AFG2A: variants seen among roughly 807,000 people sequenced by gnomAD.
AFG2A encodes AAA ATPase AFG2A, also known as ATPase family gene 2 protein homolog A.
the AFG2A span, among the ~76,000 whole-genome samples, chr4:123,251,185 T>G: frequency 6.6e-6 from 1 of 152,208 alleles, no homozygotes; most frequent in Non-Finnish European, 1.5e-5. Context: ...CTGTGTTCTT[T>G]CAACTATTAG....
chr4:123,269,657 A>T, the AFG2A span, among the ~76,000 whole-genome samples: 7 of 152,164 alleles, frequency 4.6e-5, no homozygotes, highest in African/African-American at 1.7e-4. Context: ...TTTCCCTTGT[A>T]AGTATGAGCT....
chr4:123,233,678 G>A, the AFG2A span, among the ~76,000 whole-genome samples: 1 of 151,742 alleles, frequency 6.6e-6, no homozygotes, highest in African/African-American at 2.4e-5. Flanking sequence ...CTACATTTTT[G>A]AGCAATAATA....
chr4:123,296,476 C>T, the AFG2A span, among the ~76,000 whole-genome samples: 1 of 152,128 alleles, frequency 6.6e-6, no homozygotes, highest in Non-Finnish European at 1.5e-5. Context: ...AATGTGAACA[C>T]TAACTAAATA....
chr4:123,169,529 G>A, the AFG2A span, among the ~76,000 whole-genome samples: 1 of 152,186 alleles, frequency 6.6e-6, no homozygotes, highest in African/African-American at 2.4e-5. Flanking sequence ...CCTAGGCAGA[G>A]TGCAGTGGCA....
At chr4:122,973,329 G>A in the AFG2A span, among the ~76,000 whole-genome samples, 1 of 151,676 alleles carries the variant, frequency 6.6e-6, no homozygotes, top group Non-Finnish European at 1.5e-5. Context: ...GTAAATTGGG[G>A]TTTTATTTTT....
At chr4:123,232,200 A>G in the AFG2A span, among the ~76,000 whole-genome samples, 2 of 152,012 alleles carry the variant, frequency 1.3e-5, no homozygotes, top group East Asian at 3.9e-4. Flanking sequence ...GTGTGCTTGT[A>G]TTTATAGATG....
the AFG2A span, among the ~76,000 whole-genome samples, chr4:122,924,385 G>A: frequency 6.6e-6 from 1 of 152,084 alleles, no homozygotes; most frequent in South Asian, 2.1e-4. Flanking sequence ...TCATTCCATG[G>A]AAACTGTTCC....
chr4:123,152,148 G>A, the AFG2A span, among the ~76,000 whole-genome samples: 1 of 151,792 alleles, frequency 6.6e-6, no homozygotes, highest in Non-Finnish European at 1.5e-5. Flanking sequence ...TGGGAAAGGG[G>A]AGGGATAACA....
the AFG2A span, among the ~76,000 whole-genome samples, chr4:123,175,042 T>G: frequency 2.7e-4 from 41 of 152,168 alleles, no homozygotes; most frequent in African/African-American, 9.9e-4. Flanking sequence ...AGGCTGGTCT[T>G]GAACTCCTGG....
At chr4:123,301,542 G>GA in the AFG2A span, among the ~76,000 whole-genome samples, 3 of 151,574 alleles carry the variant, frequency 2.0e-5, no homozygotes, top group South Asian at 2.1e-4. Context: ...TGCTAGATGG[G>GA]AAAAAAAAGA....
At chr4:123,085,352 T>C in the AFG2A span, among the ~76,000 whole-genome samples, 1 of 152,210 alleles carries the variant, frequency 6.6e-6, no homozygotes, top group Non-Finnish European at 1.5e-5. Context: ...ATAGTTCTAT[T>C]AGTTTTTGCC....
the AFG2A span, among the ~76,000 whole-genome samples, chr4:123,110,054 T>C: frequency 6.6e-6 from 1 of 152,132 alleles, no homozygotes; most frequent in Non-Finnish European, 1.5e-5. Flanking sequence ...TAGCTACATG[T>C]AGTTTTTTCT....
At chr4:123,289,094 G>T in the AFG2A span, among the ~76,000 whole-genome samples, 1 of 152,080 alleles carries the variant, frequency 6.6e-6, no homozygotes, top group Admixed American at 6.6e-5. Context: ...TGAAGTCTGG[G>T]CTTTTAGTAT....
chr4:123,188,032 A>T, the AFG2A span, among the ~76,000 whole-genome samples: 931 of 151,782 alleles, frequency 6.1e-3, 10 homozygotes, highest in African/African-American at 0.021. Flanking sequence ...TTAGTCTTTT[A>T]ATGTTATATT....
At chr4:122,928,178 C>G in the AFG2A span, among the ~76,000 whole-genome samples, 1 of 152,170 alleles carries the variant, frequency 6.6e-6, no homozygotes, top group African/African-American at 2.4e-5. Context: ...CAGTATTTCT[C>G]CCTGTCAGTT....
the AFG2A span, among the ~76,000 whole-genome samples, chr4:122,994,428 A>G: frequency 0.014 from 2,155 of 152,202 alleles, 15 homozygotes; most frequent in Middle Eastern, 0.058. Context: ...CACCATAACA[A>G]TTTTCAGTGA....
chr4:122,988,346 A>C, the AFG2A span, among the ~76,000 whole-genome samples: 6 of 150,998 alleles, frequency 4.0e-5, no homozygotes, highest in Non-Finnish European at 5.9e-5. Flanking sequence ...AAATACACTA[A>C]AACAAATTAT....
chr4:123,138,246 C>T, the AFG2A span, among the ~76,000 whole-genome samples: 1 of 152,078 alleles, frequency 6.6e-6, no homozygotes, highest in East Asian at 1.9e-4. Flanking sequence ...TTCATTGCCC[C>T]AGGTAACACA....
At chr4:123,099,590 A>G in the AFG2A span, among the ~76,000 whole-genome samples, 2 of 151,850 alleles carry the variant, frequency 1.3e-5, no homozygotes, top group African/African-American at 4.8e-5. Context: ...AAGATACATT[A>G]TAAGTCGTAT....
Sources: allele counts gnomAD v4.1 joint callset (sites outside exome capture counted in the v4.1 genomes callset), GRCh38; gene constraint gnomAD v4.1.1; transcripts MANE v1.5; gene names NCBI Gene and HGNC (gene_info 2026-07-23, HGNC 2026-07-21).